The following NEK4 variants were observed in gnomAD, a reference collection of about 807,000 sequenced individuals.
NEK4 encodes NIMA related kinase 4, also known as serine/threonine-protein kinase Nek4.
Under a neutral mutation model 98.4 loss-of-function variants are expected in NEK4, and 86 were observed. The observed-to-expected ratio is 0.87, with a 90% CI of 0.73 to 1.05. The LOEUF (loss-of-function observed/expected upper bound fraction) is 1.05. Ranked by LOEUF, NEK4 falls within the 50% of genes least tolerant of loss-of-function variation. The pLI is 0.00. For synonymous variants in NEK4, 328 were observed against 342.2 expected (o/e 0.96, Z 0.46); for missense variants, 898 against 950.3 (o/e 0.94, Z 0.72).
intron 15 of NEK4, among the ~76,000 whole-genome samples, chr3:52,726,876 C>T (rs1335433486): frequency 2.0e-5 from 3 of 152,028 alleles, no homozygotes; most frequent in African/African-American, 7.2e-5. Context: ...TGCACTCCAG[C>T]CTGGGTGACA....
In NEK4 at chr3:52,768,620, G is replaced by A; in HGVS notation, c.94-16C>T. 1 of 1,610,876 alleles carries A rather than the reference G, an allele frequency of 6.2e-7. No homozygotes were observed. Among genetic ancestry groups the A allele is most frequent in the East Asian group, 2.2e-5 (1 of 44,834 alleles). On this transcript the variant is annotated splice_polypyrimidine_tract_variant and intron_variant, in intron 1 of 15. Coordinates refer to ENST00000233027, the MANE Select transcript of NEK4 (RefSeq NM_003157.6). Reference sequence around the variant, plus strand: ...TGATGACATACTAAAAACAAACCATGTATTTTTACAATGTGCAAATAAACG... The same window carrying A: ...TGATGACATACTAAAAACAAACCATATATTTTTACAATGTGCAAATAAACG...
At position 52,765,915 on chromosome 3, in the gene NEK4, G is replaced by A. The variant is rs1323260547; in HGVS notation, c.638C>T (p.Ser213Phe). 2 of 1,608,594 alleles carry A rather than the reference G, an allele frequency of 1.2e-6. No homozygotes were observed. The highest frequency in any genetic ancestry group is 1.7e-6 in the Non-Finnish European group (2 of 1,175,314). The change falls in exon 4 of 16, where the codon TCT (serine) becomes TTT (phenylalanine). Residue 213 changes from serine to phenylalanine, a missense_variant. Ser to Phe is a radical substitution (Grantham distance 155). Coordinates refer to ENST00000233027, the MANE Select transcript of NEK4 (RefSeq NM_003157.6). ...KHAFNAKDMNSLVYRIIEGKL... is the reference protein window; with the variant it reads ...KHAFNAKDMNFLVYRIIEGKL... ...TCCTTCAATAATCCGATAAACTAAAGAATTCATATCTTTTGCATTGAAAGC... is the reference window on the plus strand; with the variant it reads ...TCCTTCAATAATCCGATAAACTAAAAAATTCATATCTTTTGCATTGAAAGC...
chr3:52,765,845 A>C, intron 4 of NEK4, 42 bp downstream of exon 4: 4 of 1,171,596 alleles, frequency 3.4e-6, no homozygotes, highest in Non-Finnish European at 3.8e-6. Flanking sequence ...ATAAAGCTGC[A>C]CTATAGAAAT....
chr3:52,770,827 G>A lies in NEK4; in HGVS notation c.-81C>T. ...GGCGGCAACAAGAAGCTCGGTTCAT[G>A]CCCGAGAGGGGGCAGTGGGGGCGGC... On this transcript the variant is annotated 5_prime_UTR_variant, in exon 1 of 16. Transcript: ENST00000233027. The A allele has an allele frequency of 8.0e-7, 1 of 1,250,386 alleles. No homozygotes were observed. The highest frequency in any genetic ancestry group is 1.1e-6 in the Non-Finnish European group (1 of 885,508). The allele number at this position is 1,250,386 out of a possible 1,614,324, so 77.5% of individuals were successfully genotyped here.
intron 6 of NEK4, chr3:52,753,565 A>C: frequency 1.8e-6 from 1 of 543,232 alleles, no homozygotes; most frequent in South Asian, 1.4e-5. Flanking sequence ...CTCTACATGG[A>C]AACGATCTGA....
Position 52,708,905 on chromosome 3 carries a change from G to A in NEK4, c.*2872C>T, listed in dbSNP as rs1183358079. 1 of 152,140 alleles carries A rather than the reference G, an allele frequency of 6.6e-6. No individual in the cohort carries two copies. Among genetic ancestry groups the A allele is most frequent in the Non-Finnish European group, 1.5e-5 (1 of 68,044 alleles). The allele number at this position is 152,140 out of a possible 1,614,324, so 9.4% of individuals were successfully genotyped here. On this transcript the variant is annotated 3_prime_UTR_variant, in exon 16 of 16. Coordinates refer to ENST00000233027, the MANE Select transcript of NEK4 (RefSeq NM_003157.6). ...GAAATCAGAATTACTGACACTTTAG[G>A]CCAGGCATGGTGCCTCAAGCCTGTA... is the stretch of plus-strand genomic sequence containing the variant.
At chr3:52,713,046 G>A (rs946486587) in intron 15 of NEK4, among the ~76,000 whole-genome samples, 3 of 152,074 alleles carry the variant, frequency 2.0e-5, no homozygotes, top group African/African-American at 4.8e-5. Context: ...CAGAGGCCAC[G>A]CCCTCCCTTA....
intron 15 of NEK4, chr3:52,733,545 C>T (rs1434554776): frequency 4.0e-6 from 2 of 501,678 alleles, no homozygotes; most frequent in Non-Finnish European, 7.9e-6. Flanking sequence ...ATGAATGTGG[C>T]AAGGTCTTTG....
chr3:52,755,802 C>A (rs943960120), intron 6 of NEK4, among the ~76,000 whole-genome samples: 3 of 152,100 alleles, frequency 2.0e-5, no homozygotes, highest in Non-Finnish European at 4.4e-5. Context: ...AAAGATTCCA[C>A]ATACAGAAAC....
chr3:52,731,386 T>C (rs928175352), intron 15 of NEK4, among the ~76,000 whole-genome samples: 1 of 152,208 alleles, frequency 6.6e-6, no homozygotes, highest in Non-Finnish European at 1.5e-5. Flanking sequence ...AGAATAATAG[T>C]GGAGGACTCA....
chr3:52,770,064 A>T (rs1245127899), intron 1 of NEK4, among the ~76,000 whole-genome samples: 1 of 152,150 alleles, frequency 6.6e-6, no homozygotes. Flanking sequence ...ATAGATGAAT[A>T]TAATCAGTGT....
chr3:52,733,497 A>T (rs1244778984), intron 15 of NEK4: 1 of 448,348 alleles, frequency 2.2e-6, no homozygotes, highest in African/African-American at 2.1e-5. Context: ...CCCTCACTCA[A>T]CAGAGAAGTC....
Position 52,766,201 on chromosome 3 carries a change from A to G in NEK4, c.535T>C (p.Ser179Pro). 6.2e-7 allele frequency: 1 copy of G among 1,614,196 alleles called. No homozygotes were observed. Among genetic ancestry groups the G allele is most frequent in the Non-Finnish European group, 8.5e-7 (1 of 1,180,010 alleles). ...TPYYMSPELF[S>P]NKPYNYKSDV... ...ACCTTATAGTTGTAGGGTTTGTTTG[A>G]GAACAATTCAGGGCTCATGTAGTAG... Residue 179 changes from serine to proline, a missense_variant, in exon 3 of 16, where the codon TCA (serine) becomes CCA (proline). Physicochemically the swap from Ser to Pro is moderately conservative, Grantham distance 74. Coordinates refer to ENST00000233027, the MANE Select transcript of NEK4 (RefSeq NM_003157.6).
chr3:52,747,043 GCAATTTA>G, intron 8 of NEK4, 139 bp from the exon 9 acceptor site: 1 of 634,220 alleles, frequency 1.6e-6, no homozygotes, highest in South Asian at 2.0e-5. Context: ...TTTCCATATT[GCAATTTA>G]GTGTTACATG....
chr3:52,762,430 T>C (rs1244693878), intron 5 of NEK4, among the ~76,000 whole-genome samples: 1 of 151,972 alleles, frequency 6.6e-6, no homozygotes, highest in African/African-American at 2.4e-5. Context: ...GAGCCCAGAG[T>C]AGTGCATATG....
At chr3:52,733,368 G>C (rs928826341) in intron 15 of NEK4, 1 of 364,886 alleles carries the variant, frequency 2.7e-6, no homozygotes, top group East Asian at 7.0e-5. Flanking sequence ...CCTCGCAAAT[G>C]TAACGAATGT....
chr3:52,741,663 AAAG>A (rs1399568711), intron 12 of NEK4, among the ~76,000 whole-genome samples, 164 bp from the exon 13 acceptor site: 1 of 152,250 alleles, frequency 6.6e-6, no homozygotes, highest in African/African-American at 2.4e-5. Flanking sequence ...TTTGTGGCAA[AAAG>A]AAAAAAACAT....
At chr3:52,721,455 C>T (rs764598344) in intron 15 of NEK4, among the ~76,000 whole-genome samples, 5 of 152,004 alleles carry the variant, frequency 3.3e-5, no homozygotes, top group East Asian at 1.9e-4. Context: ...CCACTGGGCA[C>T]GGTGGCTTAT....
At chr3:52,732,190 T>C (rs988605558) in intron 15 of NEK4, among the ~76,000 whole-genome samples, 11 of 152,074 alleles carry the variant, frequency 7.2e-5, no homozygotes, top group African/African-American at 2.7e-4. Flanking sequence ...GCCTCACAGA[T>C]TGATTTCTTT....
Sources: gnomAD v4.1 joint callset for allele counts (sites outside exome capture counted in the v4.1 genomes callset) on GRCh38, gnomAD v4.1.1 for gene constraint, MANE v1.5 for transcripts, NCBI Gene and HGNC (gene_info 2026-07-23, HGNC 2026-07-21) for gene names.